The following CABIN1 variants were observed in gnomAD, a reference collection of about 807,000 sequenced individuals.
The protein encoded by CABIN1 is calcineurin-binding protein cabin-1.
A neutral mutation model predicts 227.7 loss-of-function variants in CABIN1; 133 were observed. That is an observed-to-expected ratio of 0.58 (90% CI 0.51 to 0.67). The LOEUF is 0.67. CABIN1 is among the 30% of genes least tolerant of loss of function. The pLI is 0.00. For missense variants in CABIN1, 2,408 were observed against 2,852.5 expected (o/e 0.84, Z 3.55); for synonymous variants, 1,086 against 1,155.1 (o/e 0.94, Z 1.21).
chr22:24,035,095 G>T (rs749648012), intron 1 of CABIN1, among the ~76,000 whole-genome samples: 1 of 152,180 alleles, frequency 6.6e-6, no homozygotes, highest in Non-Finnish European at 1.5e-5. Flanking sequence ...TAATCGCTTT[G>T]AATTGTTCTT....
In CABIN1 at chr22:24,134,310, G is replaced by A. The variant is rs1322520675; in HGVS notation, c.4641G>A (p.Gln1547=). Residue 1547 remains glutamine (Q), a synonymous_variant, in exon 29 of 37, where the codon CAG becomes CAA. Transcript: ENST00000263119. ...YTYSKTHRNL[Q]WARDVLLGSS... ...ACTTCTTGTTTCCCCAGAACCTCCA[G>A]TGGGCCCGCGACGTGTTGCTAGGCA... is the stretch of plus-strand genomic sequence containing the variant. The A allele has an allele frequency of 6.2e-7, 1 of 1,613,772 alleles. No individual in the cohort carries two copies. Among genetic ancestry groups the A allele is most frequent in the Non-Finnish European group, 8.5e-7 (1 of 1,179,794 alleles).
intron 12 of CABIN1, 40 bp downstream of exon 12, chr22:24,060,181 C>A (rs2039087558): frequency 1.3e-6 from 2 of 1,565,770 alleles, no homozygotes; most frequent in Non-Finnish European, 1.8e-6. Flanking sequence ...TGAACTGGGA[C>A]CAGGGCATGG....
At position 24,177,666 on chromosome 22, in the gene CABIN1, G is replaced by C. The variant is rs771016084; in HGVS notation, c.6368G>C (p.Arg2123Pro). The change falls in exon 36 of 37, where the codon CGG (arginine) becomes CCG (proline). Residue 2123 changes from arginine (R) to proline (P), a missense_variant. Arg to Pro is a moderately radical substitution (Grantham distance 103). Transcript: ENST00000263119. The surrounding 1 kb of genome is among the most constrained non-coding windows in gnomAD (Gnocchi z 4.4). ...EGHPGKPEPS[R>P]AKSRPLPNMP... is the part of the protein sequence containing the mutation. Reference sequence around the variant, plus strand: ...CACCCAGGCAAGCCTGAGCCCAGCCGGGCTAAGTCCCGCCCCCTGCCCAAC... The same window carrying C: ...CACCCAGGCAAGCCTGAGCCCAGCCCGGCTAAGTCCCGCCCCCTGCCCAAC... The C allele has an allele frequency of 6.2e-7, 1 of 1,613,742 alleles. No homozygotes were observed.
intron 26 of CABIN1, among the ~76,000 whole-genome samples, chr22:24,101,902 C>T (rs2042226857): frequency 6.6e-6 from 1 of 152,154 alleles, no homozygotes. Flanking sequence ...TGTAATTACG[C>T]CCTACCACTC....
chr22:24,168,639 G>A, intron 33 of CABIN1, 118 bp downstream of exon 33: 5 of 891,246 alleles, frequency 5.6e-6, no homozygotes, highest in Middle Eastern at 2.1e-4. Context: ...GTCAGCTTGG[G>A]CTGAGGGGAG....
chr22:24,098,281 T>G, intron 26 of CABIN1, 89 bp downstream of exon 26: 4 of 1,386,960 alleles, frequency 2.9e-6, no homozygotes, highest in East Asian at 2.8e-5. Context: ...CGCTTCGTTT[T>G]GGTGAGGGGG....
At position 24,054,881 on chromosome 22, in the gene CABIN1, G is replaced by A; in HGVS notation, c.815G>A (p.Cys272Tyr). 1 of 1,614,182 alleles carries A rather than the reference G, an allele frequency of 6.2e-7. No homozygotes were observed. The highest frequency in any genetic ancestry group is 8.5e-7 in the Non-Finnish European group (1 of 1,180,030). ...TGGCCCTCTCCCTTTAGCTGGAAGT[G>A]CCTCGGAGAGAGCTTGCTGGCCATG... is the stretch of plus-strand genomic sequence containing the variant. ...VQPIPFFTWK[C>Y]LGESLLAMYN... The change falls in exon 9 of 37, where the codon TGC (cysteine) becomes TAC (tyrosine). Residue 272 changes from cysteine to tyrosine, a missense_variant. Coordinates refer to ENST00000263119, the MANE Select transcript of CABIN1 (RefSeq NM_012295.4).
chr22:24,072,864 A>G (rs993945877), intron 18 of CABIN1, among the ~76,000 whole-genome samples: 3 of 152,184 alleles, frequency 2.0e-5, no homozygotes, highest in Non-Finnish European at 4.4e-5. Context: ...AAGGGATGGT[A>G]AGCCGAGGGC....
In CABIN1 at chr22:24,047,552, A is replaced by G. The variant is rs552490689; in HGVS notation, c.527-1539A>G. 1.6e-4 allele frequency among the ~76,000 whole-genome samples: 25 copies of G among 152,330 alleles called. 1 individual carries two copies. In the East Asian group the frequency reaches 2.1e-3, roughly 13 times the overall value. On this transcript the variant is annotated intron_variant, in intron 6 of 36. Transcript: ENST00000263119. ...TGATGCAGGCACCTTTGGACCATCT[A>G]TTGAGCAGCGTGGACTGTGCTGGGA...
intron 26 of CABIN1, among the ~76,000 whole-genome samples, chr22:24,109,020 A>C (rs1290545813): frequency 6.6e-6 from 1 of 152,236 alleles, no homozygotes; most frequent in Non-Finnish European, 1.5e-5. Flanking sequence ...TATGTGTATT[A>C]ACCTAGTTAA....
intron 25 of CABIN1, among the ~76,000 whole-genome samples, chr22:24,096,865 CTG>C (rs2041924728): frequency 6.6e-6 from 1 of 152,248 alleles, no homozygotes; most frequent in South Asian, 2.1e-4. Flanking sequence ...TAGCTGGGCA[CTG>C]TGCGAAATTC....
intron 29 of CABIN1, among the ~76,000 whole-genome samples, chr22:24,148,017 A>G (rs2045258187): frequency 6.6e-6 from 1 of 152,212 alleles, no homozygotes; most frequent in Admixed American, 6.5e-5. Flanking sequence ...GGCCACAAGA[A>G]GCTGCAGGAC....
intron 19 of CABIN1, 37 bp downstream of exon 19, chr22:24,076,321 G>T (rs2283807): frequency 6.5e-7 from 1 of 1,544,764 alleles, no homozygotes. Context: ...CTGCCAGTGC[G>T]GGGCAGGGCT....
chr22:24,041,917 G>A (rs2037403827), intron 5 of CABIN1, among the ~76,000 whole-genome samples: 1 of 152,172 alleles, frequency 6.6e-6, no homozygotes, highest in Non-Finnish European at 1.5e-5. Flanking sequence ...TGTCTTCAAA[G>A]TACATGAGTT....
chr22:24,060,054 C>G lies in CABIN1; in HGVS notation c.1530C>G (p.Val510=). The G allele has an allele frequency of 1.2e-6, 2 of 1,614,122 alleles. No homozygotes were observed. The highest frequency in any genetic ancestry group is 1.7e-6 in the Non-Finnish European group (2 of 1,180,024). ...GGTGGCCTCCAGGCTTGGCGGAGGT[C>G]GTGCTCAGCGTCTACCACAGCTGGA... is the stretch of plus-strand genomic sequence containing the variant. ...LVRWPPGLAE[V]VLSVYHSWRR... is the part of the protein sequence containing the mutation. The change falls in exon 12 of 37, where the codon GTC becomes GTG. Residue 510 remains valine (V), a synonymous_variant. Transcript: ENST00000263119.
intron 6 of CABIN1, among the ~76,000 whole-genome samples, chr22:24,045,607 CAA>C (rs71320746): frequency 7.3e-6 from 1 of 137,312 alleles, no homozygotes; most frequent in Non-Finnish European, 1.6e-5. Flanking sequence ...GACTCTGCCT[CAA>C]AAAAAAAAAA....
At position 24,087,593 on chromosome 22, in the gene CABIN1, T is replaced by C. The variant is rs139912161; in HGVS notation, c.3405T>C (p.Ile1135=). 4.3e-6 allele frequency: 7 copies of C among 1,614,052 alleles called. No homozygotes were observed. In the African/African-American group the frequency reaches 8.0e-5, roughly 18 times the overall value. ...VLNCFRRALE[I]DSSNLSLWIE... is the part of the protein sequence containing the mutation. ...ACTGCTTCCGTCGGGCCCTGGAGAT[T>C]GACAGCTCCAACTTGTCCCTATGGA... is the stretch of plus-strand genomic sequence containing the variant. Residue 1135 remains isoleucine, a synonymous_variant, in exon 23 of 37, where the codon ATT becomes ATC. Coordinates refer to ENST00000263119, the MANE Select transcript of CABIN1 (RefSeq NM_012295.4).
intron 26 of CABIN1, 89 bp from the exon 27 acceptor site, chr22:24,113,477 C>T (rs560598266): frequency 2.2e-4 from 276 of 1,238,890 alleles, no homozygotes; most frequent in Admixed American, 1.7e-4. Context: ...CCCAGGCCAC[C>T]GGCAGGGAGA....
Position 24,166,662 on chromosome 22 carries a change from G to A in CABIN1, c.5031G>A (p.Lys1677=). ...AGGGGTCAGAACGCCCAGGGCCCAA[G>A]GTCTGTGGCCTCCCCGGAGCCAGGA... is the stretch of plus-strand genomic sequence containing the variant. ...LAEGSERPGP[K]VCGLPGARMT... is the part of the protein sequence containing the mutation. The change falls in exon 32 of 37, where the codon AAG becomes AAA. Residue 1677 remains lysine, a synonymous_variant. Transcript: ENST00000263119. The A allele has an allele frequency of 2.5e-6, 4 of 1,612,868 alleles. No individual in the cohort carries two copies. The highest frequency in any genetic ancestry group is 3.4e-6 in the Non-Finnish European group (4 of 1,179,996).
Sources: allele counts gnomAD v4.1 joint callset (sites outside exome capture counted in the v4.1 genomes callset), GRCh38; gene constraint gnomAD v4.1.1; non-coding constraint Gnocchi (gnomAD v3.1); transcripts MANE v1.5; gene names NCBI Gene and HGNC (gene_info 2026-07-23, HGNC 2026-07-21).